VMP1: variants seen among roughly 807,000 people sequenced by gnomAD.
VMP1 encodes the protein ectopic P-granules autophagy protein 3 homolog.
In VMP1, 11 loss-of-function variants were observed where a neutral mutation model predicts 56.0. The ratio of observed to expected loss-of-function variants is 0.20; its 90% CI spans 0.12 to 0.32. The LOEUF is 0.32. Ranked by LOEUF, VMP1 falls within the 10% of genes least tolerant of loss-of-function variation. The probability of loss-of-function intolerance (pLI) is 1.00; values close to 1 mark genes in which losing one functional copy is unlikely to be tolerated. For missense variants in VMP1, 296 were observed against 490.3 expected, an observed-to-expected ratio of 0.60 and a Z score of 3.74; for synonymous variants, 149 against 165.0, an observed-to-expected ratio of 0.90 and a Z score of 0.74.
chr17:59,815,345 T>C lies in VMP1; in HGVS notation c.913-2367T>C, dbSNP rs151075657. ...AGAAAAGCAACATACTCATTCATGT[T>C]ATTTCATGTACCATTTAACTTACTT... On this transcript the variant is annotated intron_variant, in intron 9 of 11. Coordinates refer to ENST00000262291, the MANE Select transcript of VMP1 (RefSeq NM_030938.5). Among the ~76,000 whole-genome samples, 280 of 152,318 alleles carry C rather than the reference T, an allele frequency of 1.8e-3. 2 individuals are homozygous for C. The highest frequency in any genetic ancestry group is 6.5e-3 in the African/African-American group (269 of 41,576).
At chr17:59,817,230 C>T (rs1245173643) in intron 9 of VMP1, among the ~76,000 whole-genome samples, 7 of 86,380 alleles carry the variant, frequency 8.1e-5, no homozygotes, top group African/African-American at 3.1e-4. Context: ...GTTGAGATCA[C>T]GCCATGGCAC....
intron 7 of VMP1, among the ~76,000 whole-genome samples, chr17:59,790,128 A>G (rs1170411241): frequency 2.0e-5 from 3 of 151,740 alleles, no homozygotes; most frequent in African/African-American, 7.3e-5. Flanking sequence ...GACATGAGCC[A>G]CCGTGTTTGG....
Position 59,842,146 on chromosome 17 carries a change from C to T in VMP1, c.*2235C>T, listed in dbSNP as rs552408039. 14 of 152,252 alleles carry T rather than the reference C, an allele frequency of 9.2e-5. No individual in the cohort carries two copies. The South Asian group carries it at 1.2e-3, about 14-fold the overall frequency. 9.4% of individuals were successfully genotyped at this position (152,252 alleles called of 1,614,324 possible). A position where few individuals can be genotyped will look rare whatever the true frequency, so the allele number is the denominator to read the frequency against. ...ACAAATACATGATCTCAAAGATACA[C>T]AGTACCTACTTAATTCCAGCTGATG... On this transcript the variant is annotated 3_prime_UTR_variant, in exon 12 of 12. Transcript: ENST00000262291.
At chr17:59,785,587 G>C (rs1254844041) in intron 7 of VMP1, among the ~76,000 whole-genome samples, 2 of 151,750 alleles carry the variant, frequency 1.3e-5, no homozygotes, top group African/African-American at 4.8e-5. Flanking sequence ...CTACTTGGGA[G>C]GCTGAGGAAC....
At chr17:59,709,936 G>A (rs2033841157) in intron 1 of VMP1, among the ~76,000 whole-genome samples, 1 of 152,120 alleles carries the variant, frequency 6.6e-6, no homozygotes, top group Non-Finnish European at 1.5e-5. Context: ...GGTGGTTCAC[G>A]CTTGTAATCC....
chr17:59,740,655 C>T (rs147201585), intron 5 of VMP1, among the ~76,000 whole-genome samples: 2 of 152,274 alleles, frequency 1.3e-5, no homozygotes, highest in African/African-American at 4.8e-5. Context: ...CAAACAGGGA[C>T]ATAAATCCTA....
chr17:59,711,196 T>C (rs767051121), intron 1 of VMP1, among the ~76,000 whole-genome samples: 20 of 152,118 alleles, frequency 1.3e-4, no homozygotes, highest in Non-Finnish European at 2.8e-4. Context: ...TAATTATCTA[T>C]TATATATAGA....
chr17:59,804,443 A>C (rs140408850), intron 7 of VMP1, among the ~76,000 whole-genome samples: 1 of 151,806 alleles, frequency 6.6e-6, no homozygotes, highest in Non-Finnish European at 1.5e-5. Context: ...GTGAAACTCT[A>C]TCTCTACTAA....
At chr17:59,752,546 A>G (rs924688130) in intron 5 of VMP1, among the ~76,000 whole-genome samples, 2 of 152,244 alleles carry the variant, frequency 1.3e-5, no homozygotes, top group Non-Finnish European at 2.9e-5. Flanking sequence ...TATGAGTTGT[A>G]TAAAAAAAAT....
At chr17:59,800,855 G>A (rs1351906180) in intron 7 of VMP1, among the ~76,000 whole-genome samples, 1 of 152,048 alleles carries the variant, frequency 6.6e-6, no homozygotes, top group East Asian at 1.9e-4. Context: ...CCTGAGGTGG[G>A]CAGATCACGA....
intron 9 of VMP1, among the ~76,000 whole-genome samples, chr17:59,815,743 G>A (rs1568200322): frequency 6.6e-6 from 1 of 151,252 alleles, no homozygotes; most frequent in Non-Finnish European, 1.5e-5. Context: ...TGTAGTCCCA[G>A]CTACTCAGGA....
At chr17:59,792,854 A>AAAAAAAAT (rs1410703669) in intron 7 of VMP1, among the ~76,000 whole-genome samples, 1 of 86,436 alleles carries the variant, frequency 1.2e-5, no homozygotes, top group African/African-American at 3.5e-5. Flanking sequence ...CCATCTCAAA[A>AAAAAAAAT]AATAATAATA....
At chr17:59,732,514 A>G (rs2034866862) in intron 2 of VMP1, among the ~76,000 whole-genome samples, 1 of 151,470 alleles carries the variant, frequency 6.6e-6, no homozygotes, top group East Asian at 1.9e-4. Context: ...AAGTGCTGGG[A>G]TTACAGGCAT....
chr17:59,809,304 CTTTTTTTTTTTT>C (rs57274450), intron 8 of VMP1, among the ~76,000 whole-genome samples: 7 of 33,430 alleles, frequency 2.1e-4, no homozygotes, highest in African/African-American at 5.7e-4. Context: ...GCCCATTCAA[CTTTTTTTTTTTT>C]TTTTTTTTTT....
intron 7 of VMP1, among the ~76,000 whole-genome samples, chr17:59,784,104 T>A (rs1568139692): frequency 2.5e-5 from 2 of 80,014 alleles, no homozygotes; most frequent in African/African-American, 5.9e-5. Context: ...AAAAAGAGTG[T>A]GTGTGTGTGT....
chr17:59,728,300 A>G (rs2034686689), intron 1 of VMP1, among the ~76,000 whole-genome samples: 1 of 152,202 alleles, frequency 6.6e-6, no homozygotes, highest in Admixed American at 6.5e-5. Flanking sequence ...GATCAGCTAA[A>G]TATAAATCTA....
At chr17:59,838,547 G>A (rs2039058433) in intron 11 of VMP1, 150 bp downstream of exon 11, 1 of 713,288 alleles carries the variant, frequency 1.4e-6, no homozygotes. Flanking sequence ...TGCTCTACTG[G>A]GAAATTTGTC....
intron 7 of VMP1, among the ~76,000 whole-genome samples, chr17:59,791,254 T>A (rs1195376067): frequency 6.8e-6 from 1 of 147,672 alleles, no homozygotes; most frequent in African/African-American, 2.5e-5. Flanking sequence ...AATGGCACAA[T>A]CTCGGCTGAC....
intron 1 of VMP1, among the ~76,000 whole-genome samples, chr17:59,730,838 G>A (rs2034795825): frequency 6.6e-6 from 1 of 150,430 alleles, no homozygotes; most frequent in Admixed American, 6.6e-5. Context: ...AACATTTCAA[G>A]TTTGGTTTTT....
Sources: allele counts gnomAD v4.1 joint callset (sites outside exome capture counted in the v4.1 genomes callset), GRCh38; gene constraint gnomAD v4.1.1; transcripts MANE v1.5; gene names NCBI Gene and HGNC (gene_info 2026-07-23, HGNC 2026-07-21).